The following AGMO variants were observed in gnomAD, a reference collection of about 807,000 sequenced individuals.
The protein encoded by AGMO is alkylglycerol monooxygenase.
In AGMO, 75 loss-of-function variants were observed where a neutral mutation model predicts 60.2. That is an observed-to-expected ratio of 1.25 (90% CI 1.03 to 1.51). The LOEUF is 1.51. AGMO is among the 40% of genes most tolerant of loss of function. AGMO has a pLI of 0.00. For missense variants in AGMO, 763 were observed against 525.5 expected (o/e 1.45, Z -4.42); for synonymous variants, 261 against 177.1 (o/e 1.47, Z -3.76).
At chr7:15,238,167 T>C (rs1003624724) in intron 12 of AGMO, among the ~76,000 whole-genome samples, 2 of 152,094 alleles carry the variant, frequency 1.3e-5, no homozygotes, top group African/African-American at 2.4e-5. Flanking sequence ...CTTATATCAA[T>C]AGTTTGAATA....
chr7:15,516,470 GT>G (rs888703672), intron 3 of AGMO, among the ~76,000 whole-genome samples: 1 of 152,012 alleles, frequency 6.6e-6, no homozygotes, highest in Non-Finnish European at 1.5e-5. Context: ...CATATATAAG[GT>G]TTTTTAGTGC....
At chr7:15,430,029 GT>G (rs1781181719) in intron 4 of AGMO, among the ~76,000 whole-genome samples, 1 of 151,826 alleles carries the variant, frequency 6.6e-6, no homozygotes, top group Non-Finnish European at 1.5e-5. Context: ...TATTAGTGGT[GT>G]GACTGAACTA....
intron 12 of AGMO, among the ~76,000 whole-genome samples, chr7:15,257,292 T>C (rs1287755977): frequency 1.3e-5 from 2 of 152,162 alleles, no homozygotes; most frequent in African/African-American, 2.4e-5. Flanking sequence ...ATTTTTAATA[T>C]ACTCCAAATA....
intron 10 of AGMO, among the ~76,000 whole-genome samples, chr7:15,377,977 G>C (rs1445867553): frequency 2.0e-5 from 3 of 152,008 alleles, no homozygotes; most frequent in Non-Finnish European, 4.4e-5. Context: ...GGGGGCTAAA[G>C]CCAAATAAAC....
At position 15,354,541 on chromosome 7, in the gene AGMO, G is replaced by T. The variant is rs1309682871; in HGVS notation, c.1263+10973C>A. The stretch of plus-strand genomic sequence containing the variant: ...ATATATATATATATATATATATATA[G>T]CTCCCCTCATAGGACCTGCAACAGT... On this transcript the variant is annotated intron_variant, in intron 12 of 12. Transcript: ENST00000342526. 5.2e-3 allele frequency among the ~76,000 whole-genome samples: 299 copies of T among 57,780 alleles called. 1 individual carries two copies. The highest frequency in any genetic ancestry group is 0.014 in the South Asian group (22 of 1,608). The allele number at this position is 57,780 out of a possible 152,430, so 37.9% of individuals were successfully genotyped here. A position where few individuals can be genotyped will look rare whatever the true frequency, so the allele number is the denominator to read the frequency against.
intron 12 of AGMO, among the ~76,000 whole-genome samples, chr7:15,243,071 T>C (rs901929887): frequency 3.1e-4 from 47 of 152,130 alleles, no homozygotes; most frequent in African/African-American, 1.1e-3. Flanking sequence ...TTAATAATTG[T>C]ATATGTGTTA....
intron 4 of AGMO, among the ~76,000 whole-genome samples, chr7:15,427,137 G>T (rs989320762): frequency 1.1e-4 from 17 of 152,070 alleles, no homozygotes; most frequent in African/African-American, 3.9e-4. Context: ...TATATTTGTT[G>T]CTCTTTATAA....
chr7:15,316,402 G>A (rs1181857230), intron 12 of AGMO, among the ~76,000 whole-genome samples: 1 of 152,112 alleles, frequency 6.6e-6, no homozygotes, highest in Non-Finnish European at 1.5e-5. Flanking sequence ...CAGAAAACTG[G>A]GGGCCCACTT....
intron 3 of AGMO, among the ~76,000 whole-genome samples, chr7:15,501,319 G>A (rs1323987675): frequency 2.6e-5 from 4 of 151,924 alleles, no homozygotes; most frequent in African/African-American, 7.3e-5. Context: ...GGTGAAATAC[G>A]ACATTTGGGG....
intron 4 of AGMO, among the ~76,000 whole-genome samples, chr7:15,419,103 A>G (rs550599677): frequency 6.6e-6 from 1 of 152,020 alleles, no homozygotes; most frequent in Admixed American, 6.6e-5. Flanking sequence ...TTAATTTCAT[A>G]CAAGGAGAGG....
intron 3 of AGMO, among the ~76,000 whole-genome samples, chr7:15,475,761 A>AT (rs1562526492): frequency 6.6e-6 from 1 of 152,062 alleles, no homozygotes; most frequent in African/African-American, 2.4e-5. Flanking sequence ...ACTTATTTAG[A>AT]TTTTTTTAAA....
intron 12 of AGMO, among the ~76,000 whole-genome samples, chr7:15,337,676 G>C (rs1328840840): frequency 1.3e-5 from 2 of 152,192 alleles, no homozygotes; most frequent in South Asian, 2.1e-4. Context: ...ATGCTTGATA[G>C]GAATAGGTTC....
intron 12 of AGMO, among the ~76,000 whole-genome samples, chr7:15,210,168 C>T (rs1399733764): frequency 2.6e-5 from 4 of 152,018 alleles, no homozygotes; most frequent in Admixed American, 6.6e-5. Context: ...TTTCTTTTTC[C>T]TTATGAAATA....
chr7:15,518,746 G>T (rs187575786), intron 3 of AGMO, among the ~76,000 whole-genome samples: 1 of 152,022 alleles, frequency 6.6e-6, no homozygotes. Context: ...TGAAAAACCA[G>T]AATGCCTCTT....
At chr7:15,222,275 TTTAA>T (rs993548237) in intron 12 of AGMO, among the ~76,000 whole-genome samples, 1 of 152,082 alleles carries the variant, frequency 6.6e-6, no homozygotes, top group African/African-American at 2.4e-5. Flanking sequence ...TGGTGATTTA[TTTAA>T]TTAATTAGTT....
intron 12 of AGMO, among the ~76,000 whole-genome samples, chr7:15,237,827 A>G (rs1373192354): frequency 1.3e-5 from 2 of 152,094 alleles, no homozygotes; most frequent in African/African-American, 4.8e-5. Context: ...TTATGTTAGA[A>G]AACAGAATTG....
rs150583946 is a variant in AGMO at position 15,325,208 on chromosome 7, T to C, written c.1263+40306A>G. ...GTTTCATGCAGTCATGTTTAAATTA[T>C]ATATCCAAATTAACTTGCATTATAT... On this transcript the variant is annotated intron_variant, in intron 12 of 12. Transcript: ENST00000342526. Among the ~76,000 whole-genome samples, 46 of 152,280 alleles carry C rather than the reference T, an allele frequency of 3.0e-4. No homozygotes were observed. In the East Asian group the frequency reaches 7.1e-3, roughly 24 times the overall value.
intron 3 of AGMO, among the ~76,000 whole-genome samples, chr7:15,445,159 C>T (rs943025963): frequency 4.4e-4 from 67 of 152,100 alleles, no homozygotes; most frequent in Admixed American, 3.9e-3. Flanking sequence ...TTCTTACTAA[C>T]AAACAATTGT....
At chr7:15,296,887 T>C (rs1162852250) in intron 12 of AGMO, among the ~76,000 whole-genome samples, 2 of 152,340 alleles carry the variant, frequency 1.3e-5, no homozygotes, top group African/African-American at 2.4e-5. Context: ...TTTGTGGTTC[T>C]TTCTTCCATT....
Sources: allele counts gnomAD v4.1 joint callset (sites outside exome capture counted in the v4.1 genomes callset), GRCh38; gene constraint gnomAD v4.1.1; transcripts MANE v1.5; gene names NCBI Gene and HGNC (gene_info 2026-07-23, HGNC 2026-07-21).